UHRF2: variants seen among roughly 807,000 people sequenced by gnomAD.
UHRF2 encodes the protein E3 ubiquitin-protein ligase UHRF2.
Under a neutral mutation model 96.8 loss-of-function variants are expected in UHRF2, and 23 were observed. The ratio of observed to expected loss-of-function variants is 0.24; its 90% CI spans 0.17 to 0.34. The LOEUF (loss-of-function observed/expected upper bound fraction) is 0.34. Among genes scored for constraint, UHRF2 ranks in the 10% least tolerant of loss-of-function variants. The pLI, the probability that UHRF2 is intolerant of heterozygous loss-of-function variation, is 1.00. For synonymous variants in UHRF2, 385 were observed against 332.6 expected (o/e 1.16, Z -1.72); for missense variants, 685 against 981.5 (o/e 0.70, Z 4.04).
At chr9:6,417,198 C>G (rs1446205560) in intron 1 of UHRF2, among the ~76,000 whole-genome samples, 1 of 152,120 alleles carries the variant, frequency 6.6e-6, no homozygotes, top group South Asian at 2.1e-4. Flanking sequence ...TCTAGTATTC[C>G]CTTGCATCAT....
intron 1 of UHRF2, among the ~76,000 whole-genome samples, chr9:6,416,962 T>TG (rs1270986603): frequency 1.2e-4 from 19 of 152,166 alleles, no homozygotes; most frequent in Admixed American, 1.2e-3. Context: ...AGAAAAAAGT[T>TG]GCCTCTCCCA....
chr9:6,436,665 T>C (rs974659239), intron 3 of UHRF2, among the ~76,000 whole-genome samples: 6 of 152,236 alleles, frequency 3.9e-5, no homozygotes, highest in Non-Finnish European at 8.8e-5. Flanking sequence ...TTAGGGGCTC[T>C]TAAAGTTGCT....
At chr9:6,425,806 T>C (rs1820223511) in intron 2 of UHRF2, among the ~76,000 whole-genome samples, 1 of 151,914 alleles carries the variant, frequency 6.6e-6, no homozygotes, top group Admixed American at 6.6e-5. Context: ...CGGCTCTAGG[T>C]ATGCTTCTTA....
chr9:6,428,790 C>G (rs181366891), intron 2 of UHRF2, among the ~76,000 whole-genome samples: 1 of 152,184 alleles, frequency 6.6e-6, no homozygotes, highest in Non-Finnish European at 1.5e-5. Context: ...TTCAAACAGT[C>G]CTCCTGCCAC....
At chr9:6,476,137 T>G (rs1823557386) in intron 5 of UHRF2, among the ~76,000 whole-genome samples, 1 of 152,234 alleles carries the variant, frequency 6.6e-6, no homozygotes, top group South Asian at 2.1e-4. Flanking sequence ...ATGTCACATT[T>G]GTCCTTCTGT....
intron 3 of UHRF2, among the ~76,000 whole-genome samples, chr9:6,441,976 C>A (rs1328499982): frequency 1.3e-5 from 2 of 151,970 alleles, no homozygotes; most frequent in Admixed American, 6.6e-5. Flanking sequence ...GTTGACTGTT[C>A]CGAGATCTAA....
At chr9:6,424,849 C>G (rs756262986) in intron 2 of UHRF2, among the ~76,000 whole-genome samples, 4 of 151,092 alleles carry the variant, frequency 2.6e-5, no homozygotes, top group African/African-American at 7.3e-5. Flanking sequence ...AAATCTCCCC[C>G]TGTTAGGATT....
chr9:6,502,843 C>G (rs1416807264), intron 14 of UHRF2, among the ~76,000 whole-genome samples: 1 of 152,134 alleles, frequency 6.6e-6, no homozygotes, highest in Non-Finnish European at 1.5e-5. Flanking sequence ...TCCAGCATCT[C>G]CACATAATTG....
chr9:6,480,283 A>G (rs1214730760), intron 6 of UHRF2, among the ~76,000 whole-genome samples: 2 of 152,206 alleles, frequency 1.3e-5, no homozygotes, highest in Non-Finnish European at 2.9e-5. Context: ...ACCCTGATGT[A>G]TTTCCACTTA....
Position 6,420,526 on chromosome 9 carries a change from C to T in UHRF2, c.154-386C>T, listed in dbSNP as rs553364555. The stretch of plus-strand genomic sequence containing the variant: ...GACCATCCTGGCAAACACGGTGAAA[C>T]CCCGTCTCTACTAAAAATACAAAAA... On this transcript the variant is annotated intron_variant, in intron 1 of 15. Coordinates refer to ENST00000276893, the MANE Select transcript of UHRF2 (RefSeq NM_152896.3). 1.2e-3 allele frequency among the ~76,000 whole-genome samples: 176 copies of T among 151,524 alleles called. 1 individual carries two copies. In the Middle Eastern group the frequency reaches 0.017, roughly 15 times the overall value.
At chr9:6,421,954 TATG>T (rs1162770975) in intron 2 of UHRF2, among the ~76,000 whole-genome samples, 1 of 152,260 alleles carries the variant, frequency 6.6e-6, no homozygotes, top group African/African-American at 2.4e-5. Context: ...TTTTCACTAT[TATG>T]TCATTCCATT....
rs757917146 is a variant in UHRF2, at chr9:6,460,798, T to C, written c.863+7T>C. On this transcript the variant is annotated splice_region_variant and intron_variant, in intron 4 of 15. Transcript: ENST00000276893. Reference sequence around the variant, plus strand: ...GTGTGAAAATTTTCCTGGGGTAAGATTGTCTTCACTGGTGCCATTTAATTA... The same window carrying C: ...GTGTGAAAATTTTCCTGGGGTAAGACTGTCTTCACTGGTGCCATTTAATTA... The C allele has an allele frequency of 5.0e-6, 8 of 1,607,310 alleles. No individual in the cohort carries two copies. Among genetic ancestry groups the C allele is most frequent in the African/African-American group, 1.3e-5 (1 of 74,566 alleles).
intron 9 of UHRF2, among the ~76,000 whole-genome samples, chr9:6,489,398 G>GT (rs1334467008): frequency 1.3e-5 from 2 of 152,150 alleles, no homozygotes; most frequent in Non-Finnish European, 2.9e-5. Context: ...TTTTGTAAAC[G>GT]TAAGTCTTTA....
intron 5 of UHRF2, among the ~76,000 whole-genome samples, chr9:6,476,744 AC>A (rs1354743283): frequency 6.6e-6 from 1 of 151,882 alleles, no homozygotes; most frequent in Non-Finnish European, 1.5e-5. Flanking sequence ...ACAGGCACCC[AC>A]CACCATGCCT....
intron 3 of UHRF2, among the ~76,000 whole-genome samples, chr9:6,443,605 A>G (rs749083566): frequency 6.6e-6 from 1 of 152,218 alleles, no homozygotes; most frequent in Non-Finnish European, 1.5e-5. Flanking sequence ...CACAGAACAG[A>G]TACTATAAAC....
intron 3 of UHRF2, among the ~76,000 whole-genome samples, chr9:6,448,396 T>G (rs1403303334): frequency 1.3e-5 from 2 of 152,236 alleles, no homozygotes; most frequent in African/African-American, 4.8e-5. Context: ...CTACATAGTT[T>G]CTATAATATG....
Position 6,475,578 on chromosome 9 carries a change from C to T in UHRF2, c.973+78C>T, listed in dbSNP as rs565281418. The T allele has an allele frequency of 3.5e-5, 25 of 705,772 alleles. No homozygotes were observed. In the African/African-American group the frequency reaches 4.2e-4, roughly 12 times the overall value. 43.7% of individuals were successfully genotyped at this position (705,772 alleles called of 1,614,324 possible). On this transcript the variant is annotated intron_variant, in intron 5 of 15. Coordinates refer to ENST00000276893, the MANE Select transcript of UHRF2 (RefSeq NM_152896.3). ...TTTATTTTTACTGGTCAGTGAATAA[C>T]TTGGAAGGAAGTATAAAACTGTAGA... is the stretch of plus-strand genomic sequence containing the variant.
In UHRF2 at chr9:6,472,553, T is replaced by G. The variant is rs376338143; in HGVS notation, c.864-2838T>G. 2.0e-5 allele frequency among the ~76,000 whole-genome samples: 3 copies of G among 152,304 alleles called. No homozygotes were observed. The East Asian group carries it at 5.8e-4, about 29-fold the overall frequency. ...CTAAGGAATCTTCAGGAGAACTAGG[T>G]TCAGACAATCAAGATGACTGAAGAT... On this transcript the variant is annotated intron_variant, in intron 4 of 15. Transcript: ENST00000276893.
intron 8 of UHRF2, among the ~76,000 whole-genome samples, chr9:6,482,598 C>G (rs1479162191): frequency 7.4e-6 from 1 of 135,986 alleles, no homozygotes; most frequent in African/African-American, 2.7e-5. Context: ...TAAGAGGGGC[C>G]TTTTTTTTTT....
Sources: allele counts gnomAD v4.1 joint callset (sites outside exome capture counted in the v4.1 genomes callset), GRCh38; gene constraint gnomAD v4.1.1; transcripts MANE v1.5; gene names NCBI Gene and HGNC (gene_info 2026-07-23, HGNC 2026-07-21).